CDYL: variants seen among roughly 807,000 people sequenced by gnomAD.
The protein encoded by CDYL is chromodomain Y like.
A neutral mutation model predicts 47.3 loss-of-function variants in CDYL; 8 were observed. That is an observed-to-expected ratio of 0.17 (90% CI 0.10 to 0.31). The LOEUF (loss-of-function observed/expected upper bound fraction) is 0.31. Among genes scored for constraint, CDYL ranks in the 10% least tolerant of loss-of-function variants. CDYL has a pLI of 1.00. For synonymous variants in CDYL, 266 were observed against 265.0 expected (o/e 1.00, Z -0.04); for missense variants, 471 against 701.4 (o/e 0.67, Z 3.71).
At chr6:4,731,560 G>T (rs1757605694) in intron 2 of CDYL, among the ~76,000 whole-genome samples, 1 of 152,130 alleles carries the variant, frequency 6.6e-6, no homozygotes, top group African/African-American at 2.4e-5. Context: ...ATTTTGGGAG[G>T]CTGAGGTAGG....
intron 2 of CDYL, among the ~76,000 whole-genome samples, chr6:4,721,818 G>C (rs1326594016): frequency 6.6e-6 from 1 of 151,908 alleles, no homozygotes; most frequent in Non-Finnish European, 1.5e-5. Context: ...GAATTTACCT[G>C]AATAGTTTCA....
At chr6:4,835,107 C>CT (rs1254798155) in intron 1 of CDYL, among the ~76,000 whole-genome samples, 1 of 152,166 alleles carries the variant, frequency 6.6e-6, no homozygotes, top group Non-Finnish European at 1.5e-5. Context: ...TGTTCCATTG[C>CT]TGGTGAGGAA....
intron 1 of CDYL, among the ~76,000 whole-genome samples, chr6:4,860,512 AAAT>A (rs943259219): frequency 1.7e-4 from 25 of 147,692 alleles, no homozygotes; most frequent in Admixed American, 1.4e-3. Flanking sequence ...TATATATAAA[AAAT>A]ATATATATAA....
At chr6:4,842,079 T>A (rs1219828685) in intron 1 of CDYL, among the ~76,000 whole-genome samples, 2 of 143,482 alleles carry the variant, frequency 1.4e-5, no homozygotes, top group Non-Finnish European at 3.0e-5. Context: ...TTATATATAA[T>A]TATATATTAT....
At chr6:4,768,572 A>C (rs1202801206) in intron 3 of CDYL, among the ~76,000 whole-genome samples, 1 of 152,218 alleles carries the variant, frequency 6.6e-6, no homozygotes, top group Non-Finnish European at 1.5e-5. Flanking sequence ...ATGAGTCTCA[A>C]TTGATATAAA....
chr6:4,777,032 G>A (rs1458777617), intron 1 of CDYL, among the ~76,000 whole-genome samples: 3 of 149,690 alleles, frequency 2.0e-5, no homozygotes, highest in Non-Finnish European at 4.5e-5. Context: ...GTGGGGGGGG[G>A]GGTCCCAGCC....
At chr6:4,718,755 G>C (rs185573756) in intron 2 of CDYL, among the ~76,000 whole-genome samples, 8 of 152,084 alleles carry the variant, frequency 5.3e-5, no homozygotes, top group Admixed American at 5.2e-4. Flanking sequence ...ACAAAACTTG[G>C]ATGTTGTAAT....
At chr6:4,918,315 A>G (rs1023447349) in intron 2 of CDYL, among the ~76,000 whole-genome samples, 29 of 151,788 alleles carry the variant, frequency 1.9e-4, no homozygotes, top group Admixed American at 9.2e-4. Context: ...TGTTGTTGTT[A>G]TTGTTAATTC....
chr6:4,739,022 G>A (rs1219694900), intron 3 of CDYL, among the ~76,000 whole-genome samples: 9 of 152,028 alleles, frequency 5.9e-5, no homozygotes, highest in South Asian at 2.1e-4. Context: ...TTAGCCGGGC[G>A]TGGTGGCACA....
At chr6:4,855,988 G>C (rs1327542158) in intron 1 of CDYL, among the ~76,000 whole-genome samples, 1 of 152,198 alleles carries the variant, frequency 6.6e-6, no homozygotes, top group Non-Finnish European at 1.5e-5. Context: ...ACCCCAGGCA[G>C]TTAGAAAAGA....
In CDYL at chr6:4,895,429, A is replaced by G. The variant is rs59042968; in HGVS notation, c.691+3050A>G. Among the ~76,000 whole-genome samples, 61 of 6,240 alleles carry G rather than the reference A, an allele frequency of 9.8e-3. 29 individuals carry two copies. The highest frequency in any genetic ancestry group is 0.01 in the African/African-American group (61 of 5,952). The allele number at this position is 6,240 out of a possible 152,430, so 4.1% of individuals were successfully genotyped here. ...CATGTATACGTATATATGCATGTAT[A>G]CATGTATACGTATATATGCATATAT... On this transcript the variant is annotated intron_variant, in intron 2 of 6. Coordinates refer to ENST00000397588, the MANE Select transcript of CDYL (RefSeq NM_004824.4).
At chr6:4,759,708 G>T (rs538992056) in intron 3 of CDYL, among the ~76,000 whole-genome samples, 2 of 150,692 alleles carry the variant, frequency 1.3e-5, no homozygotes, top group Middle Eastern at 3.2e-3. Context: ...GTGAATCCTC[G>T]TCTCTACTTA....
At chr6:4,810,285 T>C (rs925286175) in intron 1 of CDYL, among the ~76,000 whole-genome samples, 2 of 152,208 alleles carry the variant, frequency 1.3e-5, no homozygotes, top group African/African-American at 4.8e-5. Flanking sequence ...AGTTCCGAAA[T>C]GATTTCTCAA....
At chr6:4,930,328 TA>T (rs1430745958) in intron 2 of CDYL, among the ~76,000 whole-genome samples, 2 of 152,250 alleles carry the variant, frequency 1.3e-5, no homozygotes, top group African/African-American at 4.8e-5. Context: ...ACTTTTTATC[TA>T]TGTAGCTTCC....
Position 4,776,737 on chromosome 6 carries a change from CG to C in CDYL, c.-46del. 5 of 1,263,952 alleles carry C rather than the reference CG, an allele frequency of 4.0e-6. No homozygotes were observed. Among genetic ancestry groups the C allele is most frequent in the Non-Finnish European group, 5.1e-6 (5 of 980,652 alleles). The allele number at this position is 1,263,952 out of a possible 1,614,324, so 78.3% of individuals were successfully genotyped here. On this transcript the variant is annotated 5_prime_UTR_variant, in exon 1 of 7. Coordinates refer to ENST00000397588, the MANE Select transcript of CDYL (RefSeq NM_004824.4). ...CAAAGTGTCGGCCGCCCGGCGCCGG[CG>C]CCCGCCCCGACCCTGCCCCTCCCGC... is the stretch of plus-strand genomic sequence containing the variant.
At chr6:4,752,414 T>C (rs1051314336) in intron 3 of CDYL, among the ~76,000 whole-genome samples, 1 of 152,204 alleles carries the variant, frequency 6.6e-6, no homozygotes, top group Non-Finnish European at 1.5e-5. Context: ...AAAATTTACA[T>C]TTCTGAACTT....
In CDYL at chr6:4,716,659, T is replaced by C. The variant is rs572291364; in HGVS notation, c.103+778T>C. Among the ~76,000 whole-genome samples, 4 of 146,808 alleles carry C rather than the reference T, an allele frequency of 2.7e-5. No homozygotes were observed. In the South Asian group the frequency reaches 6.3e-4, roughly 23 times the overall value. On this transcript the variant is annotated intron_variant, in intron 2 of 8. Transcript: ENST00000328908. ...TGCCTGAATTCTTGACAGGGCCAGA[T>C]AGAATGCAAAAGTGGTTTTCTACAT... is the stretch of plus-strand genomic sequence containing the variant.
At chr6:4,824,103 T>C (rs1759914580) in intron 1 of CDYL, among the ~76,000 whole-genome samples, 1 of 152,256 alleles carries the variant, frequency 6.6e-6, no homozygotes, top group Non-Finnish European at 1.5e-5. Flanking sequence ...CTTACATAGA[T>C]ACACCACATT....
intron 2 of CDYL, among the ~76,000 whole-genome samples, chr6:4,909,078 G>A (rs1000141608): frequency 6.6e-6 from 1 of 152,240 alleles, no homozygotes; most frequent in African/African-American, 2.4e-5. Flanking sequence ...CAGGTCATAA[G>A]ATGGTGTTCT....
Sources: allele counts gnomAD v4.1 joint callset (sites outside exome capture counted in the v4.1 genomes callset), GRCh38; gene constraint gnomAD v4.1.1; transcripts MANE v1.5; gene names NCBI Gene and HGNC (gene_info 2026-07-23, HGNC 2026-07-21).